PRPF18: variants seen among roughly 807,000 people sequenced by gnomAD.
PRPF18 encodes pre-mRNA-splicing factor 18.
Under a neutral mutation model 46.5 loss-of-function variants are expected in PRPF18, and 38 were observed. The observed-to-expected ratio is 0.82, with a 90% CI of 0.63 to 1.07. The LOEUF (loss-of-function observed/expected upper bound fraction) is 1.07. Ranked by LOEUF, PRPF18 falls within the 50% of genes least tolerant of loss-of-function variation. The pLI is 0.00. For synonymous variants in PRPF18, 152 were observed against 146.7 expected, an observed-to-expected ratio of 1.04 and a Z score of -0.26; for missense variants, 263 against 410.0, an observed-to-expected ratio of 0.64 and a Z score of 3.10.
the PRPF18 span, chr10:13,643,134 G>T: frequency 1.3e-5 from 2 of 152,274 alleles, no homozygotes; most frequent in African/African-American, 4.8e-5. Flanking sequence ...CTCGTGATGT[G>T]ATTTAGAGAG....
intron 1 of PRPF18, among the ~76,000 whole-genome samples, chr10:13,589,016 T>G (rs2079918493): frequency 2.0e-5 from 3 of 152,258 alleles, no homozygotes; most frequent in African/African-American, 7.2e-5. Flanking sequence ...TCCCACCTGT[T>G]GACACATTTC....
At chr10:13,636,292 C>T in the PRPF18 span, among the ~76,000 whole-genome samples, 178 of 152,170 alleles carry the variant, frequency 1.2e-3, no homozygotes, top group African/African-American at 4.0e-3. Context: ...TGTGGTGGCG[C>T]GCACGTGTAG....
At chr10:13,609,484 T>C (rs1482550512) in intron 4 of PRPF18, among the ~76,000 whole-genome samples, 1 of 152,208 alleles carries the variant, frequency 6.6e-6, no homozygotes, top group Non-Finnish European at 1.5e-5. Flanking sequence ...CTGATTCTCA[T>C]TCATTTTTAG....
At chr10:13,616,601 T>G (rs776003783) in intron 9 of PRPF18, 48 bp downstream of exon 9, 2 of 1,593,904 alleles carry the variant, frequency 1.3e-6, no homozygotes, top group Admixed American at 1.7e-5. Flanking sequence ...GAATATTCTC[T>G]AATTCCCAAA....
At chr10:13,655,541 AC>A in the PRPF18 span, 2 of 98,798 alleles carry the variant, frequency 2.0e-5, no homozygotes, top group Admixed American at 1.8e-4. Flanking sequence ...TGGCCAGTGG[AC>A]CCTAATAAAC....
intron 9 of PRPF18, 89 bp downstream of exon 9, chr10:13,616,642 A>C: frequency 6.6e-7 from 1 of 1,511,546 alleles, no homozygotes; most frequent in Non-Finnish European, 9.1e-7. Flanking sequence ...GCAGAGAATT[A>C]CAGCAAATAG....
intron 5 of PRPF18, 38 bp downstream of exon 5, chr10:13,610,223 C>T: frequency 1.3e-6 from 2 of 1,587,532 alleles, no homozygotes; most frequent in Non-Finnish European, 1.7e-6. Context: ...CCCTGGCACC[C>T]TTCTTTTTCC....
intron 9 of PRPF18, among the ~76,000 whole-genome samples, chr10:13,621,307 T>C (rs766585144): frequency 1.3e-5 from 2 of 152,228 alleles, no homozygotes; most frequent in Non-Finnish European, 2.9e-5. Flanking sequence ...GGCTTCTGAC[T>C]GGAGCAGGCG....
At chr10:13,593,948 C>A (rs75941270) in intron 1 of PRPF18, among the ~76,000 whole-genome samples, 1 of 152,166 alleles carries the variant, frequency 6.6e-6, no homozygotes. Flanking sequence ...ACCCCAGGAC[C>A]AATAGGCAAT....
intron 3 of PRPF18, among the ~76,000 whole-genome samples, chr10:13,601,792 TA>T (rs899836670): frequency 3.3e-5 from 5 of 152,202 alleles, no homozygotes; most frequent in Non-Finnish European, 5.9e-5. Flanking sequence ...TAAAATAAGG[TA>T]ATGCATGAAG....
At chr10:13,640,237 G>T in the PRPF18 span, 1 of 152,182 alleles carries the variant, frequency 6.6e-6, no homozygotes, top group Non-Finnish European at 1.5e-5. Flanking sequence ...TCCTATTGCA[G>T]TTATCTCTGT....
At chr10:13,621,768 A>G (rs1257359711) in intron 9 of PRPF18, among the ~76,000 whole-genome samples, 1 of 152,240 alleles carries the variant, frequency 6.6e-6, no homozygotes, top group East Asian at 1.9e-4. Flanking sequence ...TTGCTATTAC[A>G]AAAGGTAAAT....
intron 6 of PRPF18, among the ~76,000 whole-genome samples, chr10:13,613,396 C>T (rs575924104): frequency 7.2e-5 from 11 of 151,744 alleles, no homozygotes; most frequent in African/African-American, 1.7e-4. Flanking sequence ...TCTTGTAACT[C>T]GTAACTTGTT....
chr10:13,586,985 G>A lies in PRPF18; in HGVS notation c.-102G>A. On this transcript the variant is annotated 5_prime_UTR_variant, in exon 1 of 10. Transcript: ENST00000378572. ...CTGTCAGTTGTTCTCAGGTGTTTGG[G>A]CTTGTTGTTCCGTATACTCAGTGGG... 1 of 1,210,760 alleles carries A rather than the reference G, an allele frequency of 8.3e-7. No homozygotes were observed. The highest frequency in any genetic ancestry group is 1.2e-6 in the Non-Finnish European group (1 of 814,660). The allele number at this position is 1,210,760 out of a possible 1,614,324, so 75.0% of individuals were successfully genotyped here.
chr10:13,622,446 A>G (rs1440265882), intron 9 of PRPF18, among the ~76,000 whole-genome samples: 1 of 152,196 alleles, frequency 6.6e-6, no homozygotes, highest in African/African-American at 2.4e-5. Flanking sequence ...CGGTTGGAAA[A>G]AAAGCCAGAC....
chr10:13,648,110 C>G, the PRPF18 span: 3 of 152,228 alleles, frequency 2.0e-5, no homozygotes, highest in African/African-American at 7.2e-5. Flanking sequence ...GTAAATGTTT[C>G]TCATCTGGCC....
chr10:13,652,232 T>C, the PRPF18 span: 47 of 526,368 alleles, frequency 8.9e-5, no homozygotes, highest in African/African-American at 8.2e-4. Context: ...GCAAACAGTT[T>C]ATGCCAAGAA....
the PRPF18 span, chr10:13,652,384 C>A: frequency 4.9e-6 from 1 of 204,346 alleles, no homozygotes. Flanking sequence ...CCAAATAATA[C>A]AATCAATCAT....
rs1039824168 is a variant in PRPF18, at chr10:13,614,140, C to A, written c.792+54C>A. On this transcript the variant is annotated intron_variant, in intron 8 of 9. Coordinates refer to ENST00000378572, the MANE Select transcript of PRPF18 (RefSeq NM_003675.4). ...GTTAAGAGTATATCTAGGTTATGTA[C>A]GTAATATAATGTTCATTTGGGATAG... 10 of 1,297,144 alleles carry A rather than the reference C, an allele frequency of 7.7e-6. No individual in the cohort carries two copies. The South Asian group carries it at 1.2e-4, about 16-fold the overall frequency. 80.4% of individuals were successfully genotyped at this position (1,297,144 alleles called of 1,614,324 possible).
Sources: allele counts gnomAD v4.1 joint callset (sites outside exome capture counted in the v4.1 genomes callset), GRCh38; gene constraint gnomAD v4.1.1; transcripts MANE v1.5; gene names NCBI Gene and HGNC (gene_info 2026-07-23, HGNC 2026-07-21).